The following TIAM1 variants were observed in gnomAD, a reference collection of about 807,000 sequenced individuals.
TIAM1 encodes the protein rho guanine nucleotide exchange factor TIAM1.
TIAM1 carries 65 observed loss-of-function variants against 163.5 expected under a neutral mutation model. The ratio of observed to expected loss-of-function variants is 0.40; its 90% CI spans 0.33 to 0.49. The LOEUF (loss-of-function observed/expected upper bound fraction) is 0.49. TIAM1 is among the 20% of genes least tolerant of loss of function. The pLI is 0.77. For synonymous variants in TIAM1, 833 were observed against 810.1 expected, an observed-to-expected ratio of 1.03 and a Z score of -0.48; for missense variants, 1,789 against 2,044.7, an observed-to-expected ratio of 0.87 and a Z score of 2.41.
At chr21:31,506,253 C>CACACACGT (rs2047022733) in intron 1 of TIAM1, among the ~76,000 whole-genome samples, 1 of 98,876 alleles carries the variant, frequency 1.0e-5, no homozygotes, top group Non-Finnish European at 2.1e-5. Flanking sequence ...CACGCACTCT[C>CACACACGT]ACACACGTAC....
At chr21:31,399,301 G>A (rs1473155852) in intron 2 of TIAM1, among the ~76,000 whole-genome samples, 5 of 151,636 alleles carry the variant, frequency 3.3e-5, no homozygotes, top group Non-Finnish European at 7.4e-5. Flanking sequence ...AAATTTATAT[G>A]AGAATATCCT....
intron 2 of TIAM1, among the ~76,000 whole-genome samples, chr21:31,393,612 T>A (rs1243392452): frequency 1.3e-5 from 2 of 152,182 alleles, no homozygotes; most frequent in East Asian, 1.9e-4. Flanking sequence ...CTAAAGTATA[T>A]CTGAATTTTT....
At chr21:31,408,940 T>G (rs2147234030) in intron 2 of TIAM1, among the ~76,000 whole-genome samples, 1 of 152,132 alleles carries the variant, frequency 6.6e-6, no homozygotes, top group Middle Eastern at 3.4e-3. Context: ...GCAACACACT[T>G]TGAGTGCCAC....
chr21:31,280,374 G>A (rs1226115848), intron 2 of TIAM1, among the ~76,000 whole-genome samples: 2 of 152,094 alleles, frequency 1.3e-5, no homozygotes, highest in African/African-American at 2.4e-5. Context: ...CTTTGCCTAC[G>A]GCCATCCAGG....
At chr21:31,522,380 C>A (rs2147498350) in intron 1 of TIAM1, among the ~76,000 whole-genome samples, 1 of 151,318 alleles carries the variant, frequency 6.6e-6, no homozygotes, top group Non-Finnish European at 1.5e-5. Context: ...CATGGTGGCG[C>A]ATGCCTGTAA....
At chr21:31,426,448 G>T (rs2043798979) in intron 2 of TIAM1, among the ~76,000 whole-genome samples, 1 of 152,142 alleles carries the variant, frequency 6.6e-6, no homozygotes, top group Admixed American at 6.5e-5. Context: ...TTGTGAAAAT[G>T]AAATCTTCAT....
At chr21:31,389,980 C>G (rs923060268) in intron 2 of TIAM1, among the ~76,000 whole-genome samples, 2 of 152,106 alleles carry the variant, frequency 1.3e-5, no homozygotes, top group Non-Finnish European at 2.9e-5. Context: ...GGGAAAAAGC[C>G]TTGGAACATA....
intron 2 of TIAM1, among the ~76,000 whole-genome samples, chr21:31,289,810 C>G (rs1184528075): frequency 6.6e-6 from 1 of 152,074 alleles, no homozygotes; most frequent in Non-Finnish European, 1.5e-5. Context: ...TGCAGAAAAC[C>G]GATACATAAA....
At chr21:31,292,841 G>T (rs976409556) in intron 2 of TIAM1, among the ~76,000 whole-genome samples, 4 of 151,836 alleles carry the variant, frequency 2.6e-5, no homozygotes, top group Admixed American at 2.0e-4. Flanking sequence ...GCTAATTTTT[G>T]TATTTTTAGT....
chr21:31,223,557 T>C lies in TIAM1; in HGVS notation c.1844A>G (p.Gln615Arg). Residue 615 changes from glutamine (Q) to arginine (R), a missense_variant, in exon 8 of 28, where the codon CAA becomes CGA. Gln to Arg is a conservative substitution (Grantham distance 43). This residue lies in a region of TIAM1 where 456 missense variants were observed against 586.6 expected (regional missense o/e 0.78). Coordinates refer to ENST00000541036, the MANE Select transcript of TIAM1 (RefSeq NM_001353694.2). ...ACAGCGGAAACGAAACAGGTCCATT[T>C]GGAACTGCTCGAGATTTTGCTCCCA... ...FVWEQNLEQF[Q>R]MDLFRFRCYL... 1.9e-6 allele frequency: 3 copies of C among 1,606,274 alleles called. No individual in the cohort carries two copies. In the South Asian group the frequency reaches 3.3e-5, roughly 18 times the overall value.
At chr21:31,367,106 G>A (rs1335154166) in intron 2 of TIAM1, among the ~76,000 whole-genome samples, 2 of 143,798 alleles carry the variant, frequency 1.4e-5, no homozygotes, top group Non-Finnish European at 3.1e-5. Flanking sequence ...AGGCAGGCAG[G>A]TAAGCAGGCA....
chr21:31,387,666 G>A (rs1169057533), intron 2 of TIAM1, among the ~76,000 whole-genome samples: 16 of 152,132 alleles, frequency 1.1e-4, no homozygotes, highest in Non-Finnish European at 1.8e-4. Flanking sequence ...CTACGGCTGC[G>A]GACGCTGGTC....
chr21:31,135,027 A>G (rs2082564412), intron 23 of TIAM1, among the ~76,000 whole-genome samples: 1 of 152,144 alleles, frequency 6.6e-6, no homozygotes, highest in Admixed American at 6.5e-5. Context: ...GTTAAGAAGG[A>G]GAAAGCAACC....
intron 10 of TIAM1, among the ~76,000 whole-genome samples, chr21:31,210,595 A>AAGGAAGGAAGG (rs1646416914): frequency 3.1e-5 from 3 of 98,068 alleles, no homozygotes; most frequent in African/African-American, 1.9e-4. Context: ...AGAAAGAAAG[A>AAGGAAGGAAGG]GAGAAAGAAG....
chr21:31,522,976 A>G (rs1424595518), intron 1 of TIAM1, among the ~76,000 whole-genome samples: 5 of 152,252 alleles, frequency 3.3e-5, no homozygotes, highest in Non-Finnish European at 2.9e-5. Flanking sequence ...GACCAGCTAT[A>G]AAATAAATTT....
chr21:31,406,538 T>C (rs992163244), intron 2 of TIAM1, among the ~76,000 whole-genome samples: 15 of 152,206 alleles, frequency 9.9e-5, no homozygotes, highest in Admixed American at 9.2e-4. Context: ...GTGTTGTCTA[T>C]TATTATTACT....
intron 27 of TIAM1, chr21:31,124,081 G>A (rs946583992): frequency 1.3e-5 from 2 of 154,744 alleles, no homozygotes; most frequent in African/African-American, 2.4e-5. Flanking sequence ...GTGCTGCCAG[G>A]CCGTGAAGCC....
At chr21:31,404,308 C>T (rs1237665063) in intron 2 of TIAM1, among the ~76,000 whole-genome samples, 1 of 152,092 alleles carries the variant, frequency 6.6e-6, no homozygotes, top group Non-Finnish European at 1.5e-5. Context: ...GGTCTCTATC[C>T]CATAACTGAG....
At chr21:31,387,070 C>A (rs1005519557) in intron 2 of TIAM1, among the ~76,000 whole-genome samples, 1 of 152,116 alleles carries the variant, frequency 6.6e-6, no homozygotes, top group African/African-American at 2.4e-5. Flanking sequence ...CCTGCCAGAC[C>A]CACCACCCTG....
Sources: gnomAD v4.1 joint callset for allele counts (sites outside exome capture counted in the v4.1 genomes callset) on GRCh38, gnomAD v4.1.1 for gene constraint, gnomAD v4.1.1 regional missense constraint, MANE v1.5 for transcripts, NCBI Gene and HGNC (gene_info 2026-07-23, HGNC 2026-07-21) for gene names.